Variants in NAV2 observed in about 807,000 individuals in gnomAD.
NAV2 encodes neuron navigator 2.
A neutral mutation model predicts 223.2 loss-of-function variants in NAV2; 54 were observed. The observed-to-expected ratio is 0.24, with a 90% CI of 0.19 to 0.30. The LOEUF is 0.30. NAV2 is among the 10% of genes least tolerant of loss of function. The probability of loss-of-function intolerance (pLI) is 1.00; values close to 1 mark genes in which losing one functional copy is unlikely to be tolerated. For synonymous variants in NAV2, 1,279 were observed against 1,239.3 expected, an observed-to-expected ratio of 1.03 and a Z score of -0.67; for missense variants, 2,806 against 3,147.5, an observed-to-expected ratio of 0.89 and a Z score of 2.60.
chr11:19,862,651 G>A (rs2061857110), intron 3 of NAV2, among the ~76,000 whole-genome samples: 1 of 152,160 alleles, frequency 6.6e-6, no homozygotes, highest in African/African-American at 2.4e-5. Flanking sequence ...AATTAAAACT[G>A]TAGTGTCAGG....
intron 1 of NAV2, among the ~76,000 whole-genome samples, chr11:19,533,086 G>C (rs1438521323): frequency 6.6e-6 from 1 of 152,214 alleles, no homozygotes; most frequent in Non-Finnish European, 1.5e-5. Flanking sequence ...GGAAAAGTGG[G>C]TTGGAGTGAG....
At chr11:20,092,156 G>A in intron 27 of NAV2, 50 bp from the exon 28 acceptor site, 1 of 1,572,802 alleles carries the variant, frequency 6.4e-7, no homozygotes, top group Non-Finnish European at 8.7e-7. Context: ...GAAAAATCTT[G>A]TTCACATTAC....
intron 1 of NAV2, among the ~76,000 whole-genome samples, chr11:19,622,631 A>C (rs1162566203): frequency 2.0e-5 from 3 of 151,948 alleles, no homozygotes; most frequent in African/African-American, 7.3e-5. Context: ...ATCTTCCTCC[A>C]TCCCTTTATT....
chr11:19,493,816 C>T (rs1326794694), intron 1 of NAV2, among the ~76,000 whole-genome samples: 3 of 152,308 alleles, frequency 2.0e-5, no homozygotes, highest in South Asian at 2.1e-4. Flanking sequence ...TAATGAATGC[C>T]ACCCAGAGAG....
At position 19,967,860 on chromosome 11, in the gene NAV2, G is replaced by A. The variant is rs369934629; in HGVS notation, c.2646-16265G>A. On this transcript the variant is annotated intron_variant, in intron 10 of 37. Coordinates refer to ENST00000349880, the MANE Select transcript of NAV2 (RefSeq NM_145117.5). ...AGCTGGATTATAGACTGAGCAGACT[G>A]GGTATTGTATTCTGGAGATAAGGAT... 1.1e-4 allele frequency among the ~76,000 whole-genome samples: 16 copies of A among 152,318 alleles called. No individual in the cohort carries two copies. The East Asian group carries it at 3.1e-3, about 29-fold the overall frequency.
intron 1 of NAV2, among the ~76,000 whole-genome samples, chr11:19,619,865 G>C (rs1277009430): frequency 6.6e-6 from 1 of 152,166 alleles, no homozygotes; most frequent in Non-Finnish European, 1.5e-5. Flanking sequence ...TATTGCCTAG[G>C]TTTTCTTCTA....
Position 19,998,973 on chromosome 11 carries a change from T to C in NAV2, c.2768+14726T>C, listed in dbSNP as rs978076062. Among the ~76,000 whole-genome samples, 1 of 152,224 alleles carries C rather than the reference T, an allele frequency of 6.6e-6. No homozygotes were observed. Among genetic ancestry groups the C allele is most frequent in the Non-Finnish European group, 1.5e-5 (1 of 68,038 alleles). On this transcript the variant is annotated intron_variant, in intron 11 of 37. Transcript: ENST00000349880. This position sits in a 1 kb window ranked among gnomAD's most constrained non-coding sequence, Gnocchi z 5.0. Reference sequence around the variant, plus strand: ...CAGCTCCGTTTGCAGGTGAATCCCCTCTCCCAGCACAGGGCCCGTCCAGAG... The same window carrying C: ...CAGCTCCGTTTGCAGGTGAATCCCCCCTCCCAGCACAGGGCCCGTCCAGAG...
chr11:19,800,232 A>G (rs1019072197), intron 1 of NAV2, among the ~76,000 whole-genome samples: 1 of 152,058 alleles, frequency 6.6e-6, no homozygotes, highest in African/African-American at 2.4e-5. Context: ...GCAGTTCTGT[A>G]TAGGGAGAGT....
intron 1 of NAV2, among the ~76,000 whole-genome samples, chr11:19,532,282 T>C (rs530250008): frequency 2.6e-4 from 39 of 152,344 alleles, no homozygotes; most frequent in African/African-American, 8.7e-4. Flanking sequence ...CAGCACTAGC[T>C]GTGTGGCATT....
intron 1 of NAV2, among the ~76,000 whole-genome samples, chr11:19,799,391 A>C (rs1457545199): frequency 6.6e-6 from 1 of 152,180 alleles, no homozygotes; most frequent in East Asian, 1.9e-4. Flanking sequence ...CCCTGTCACC[A>C]AAACCTGCTA....
chr11:19,747,369 A>G (rs1448213705), intron 1 of NAV2, among the ~76,000 whole-genome samples: 2 of 152,092 alleles, frequency 1.3e-5, no homozygotes, highest in Admixed American at 1.3e-4. Context: ...CCTCCTAATA[A>G]CACTATTAGG....
chr11:19,473,747 A>T (rs555344826), intron 1 of NAV2, among the ~76,000 whole-genome samples: 1 of 151,964 alleles, frequency 6.6e-6, no homozygotes, highest in Non-Finnish European at 1.5e-5. Flanking sequence ...CCTATCCCCC[A>T]GCTGCTGAGA....
intron 1 of NAV2, among the ~76,000 whole-genome samples, chr11:19,453,032 G>T (rs1429085965): frequency 6.6e-6 from 1 of 152,192 alleles, no homozygotes; most frequent in Non-Finnish European, 1.5e-5. Context: ...AAGATCACAT[G>T]AACCCAAAAT....
At chr11:20,094,893 G>T (rs755761877) in intron 29 of NAV2, among the ~76,000 whole-genome samples, 4 of 152,166 alleles carry the variant, frequency 2.6e-5, no homozygotes, top group Non-Finnish European at 5.9e-5. Flanking sequence ...TTATGAGCAT[G>T]TAAAAACCCA....
chr11:19,983,367 C>CA (rs940883621), intron 10 of NAV2, among the ~76,000 whole-genome samples: 8 of 152,042 alleles, frequency 5.3e-5, no homozygotes, highest in African/African-American at 1.9e-4. Flanking sequence ...GTAGTATTAC[C>CA]AAAAAAAGAA....
chr11:19,816,890 C>T (rs1277438757), intron 1 of NAV2, among the ~76,000 whole-genome samples: 4 of 152,158 alleles, frequency 2.6e-5, no homozygotes, highest in African/African-American at 9.7e-5. Flanking sequence ...CCAGAGGAGG[C>T]TCCCACCACC....
chr11:20,107,886 G>GT, intron 36 of NAV2, 104 bp downstream of exon 36: 7 of 799,190 alleles, frequency 8.8e-6, no homozygotes, highest in Non-Finnish European at 1.3e-5. Context: ...CTGACATGGG[G>GT]TGACAACCCC....
At chr11:19,620,689 A>C (rs964663590) in intron 1 of NAV2, among the ~76,000 whole-genome samples, 33 of 152,224 alleles carry the variant, frequency 2.2e-4, no homozygotes, top group African/African-American at 7.2e-4. Flanking sequence ...CTAAATATAC[A>C]ATCATGTCAT....
intron 10 of NAV2, among the ~76,000 whole-genome samples, chr11:19,964,712 G>C (rs984779560): frequency 6.6e-6 from 1 of 151,460 alleles, no homozygotes; most frequent in African/African-American, 2.4e-5. Context: ...TGTTGTCCAG[G>C]CTGGTCTCAA....
Sources: allele counts gnomAD v4.1 joint callset (sites outside exome capture counted in the v4.1 genomes callset), GRCh38; gene constraint gnomAD v4.1.1; non-coding constraint Gnocchi (gnomAD v3.1); transcripts MANE v1.5; gene names NCBI Gene and HGNC (gene_info 2026-07-23, HGNC 2026-07-21).